Variants in ZPLD1 observed in about 807,000 individuals in gnomAD.
ZPLD1 encodes zona pellucida-like domain-containing protein 1.
Under a neutral mutation model 47.2 loss-of-function variants are expected in ZPLD1, and 34 were observed. The observed-to-expected ratio is 0.72, with a 90% CI of 0.55 to 0.96. The LOEUF (loss-of-function observed/expected upper bound fraction) is 0.96, where lower values mean the gene tolerates loss of function less well. Among genes scored for constraint, ZPLD1 ranks in the 40% least tolerant of loss-of-function variants. The pLI, the probability that ZPLD1 is intolerant of heterozygous loss-of-function variation, is 0.00. For synonymous variants in ZPLD1, 176 were observed against 186.2 expected (o/e 0.95, Z 0.45); for missense variants, 512 against 505.8 (o/e 1.01, Z -0.12).
intron 8 of ZPLD1, among the ~76,000 whole-genome samples, chr3:102,429,694 C>T (rs957831344): frequency 3.9e-5 from 6 of 152,158 alleles, no homozygotes; most frequent in African/African-American, 1.4e-4. Context: ...GAGATGTGTG[C>T]TGGAATATGG....
chr3:102,393,365 C>T (rs894531215), intron 7 of ZPLD1, among the ~76,000 whole-genome samples: 5 of 152,096 alleles, frequency 3.3e-5, no homozygotes, highest in African/African-American at 1.2e-4. Context: ...GTCGTTCTTC[C>T]ATTAAACAGA....
chr3:102,470,597 G>T, intron 10 of ZPLD1, 95 bp downstream of exon 10: 1 of 888,800 alleles, frequency 1.1e-6, no homozygotes, highest in Admixed American at 2.4e-5. Context: ...TTCCTAAACA[G>T]CACTAATTAA....
chr3:102,437,682 T>C (rs1300572267), intron 2 of ZPLD1, among the ~76,000 whole-genome samples: 1 of 152,234 alleles, frequency 6.6e-6, no homozygotes, highest in Non-Finnish European at 1.5e-5. Flanking sequence ...AAAGAATTAT[T>C]AAACGCAAAA....
At chr3:102,411,848 T>C (rs920699251) in intron 7 of ZPLD1, among the ~76,000 whole-genome samples, 1 of 151,804 alleles carries the variant, frequency 6.6e-6, no homozygotes, top group Non-Finnish European at 1.5e-5. Flanking sequence ...ACAGAACCAA[T>C]AGGGTATATC....
intron 8 of ZPLD1, among the ~76,000 whole-genome samples, chr3:102,425,359 T>C (rs73863652): frequency 0.043 from 6,475 of 152,202 alleles, 465 homozygotes; most frequent in African/African-American, 0.15. Context: ...TATTATAATA[T>C]ACAGAAAAGG....
chr3:102,413,127 G>T (rs559073457), intron 7 of ZPLD1, among the ~76,000 whole-genome samples: 1 of 151,606 alleles, frequency 6.6e-6, no homozygotes, highest in African/African-American at 2.4e-5. Context: ...TTTTTATCAA[G>T]AATATATATA....
chr3:102,463,286 C>T (rs1707538286), intron 7 of ZPLD1, among the ~76,000 whole-genome samples: 1 of 152,140 alleles, frequency 6.6e-6, no homozygotes, highest in Non-Finnish European at 1.5e-5. Context: ...CCACAATCGC[C>T]AAACCACTGA....
intron 8 of ZPLD1, among the ~76,000 whole-genome samples, chr3:102,428,488 T>A (rs1706976502): frequency 1.3e-5 from 2 of 152,062 alleles, no homozygotes; most frequent in Non-Finnish European, 2.9e-5. Flanking sequence ...AATTCTGACT[T>A]AAAAAATTCA....
intron 3 of ZPLD1, among the ~76,000 whole-genome samples, chr3:102,447,635 A>G (rs1707278269): frequency 6.6e-6 from 1 of 152,206 alleles, no homozygotes; most frequent in South Asian, 2.1e-4. Context: ...AGGGAAATGA[A>G]GGCTCCAACA....
In ZPLD1 at chr3:102,398,015, TTAAGA is replaced by T. The variant is rs561343432; in HGVS notation, c.-157+5794_-157+5798del. ...TAATGGAGACAGATCACTTTAACAC[TTAAGA>T]TAAATGTGTGTGTGAATGCACACCC... On this transcript the variant is annotated intron_variant, in intron 7 of 17. Transcript: ENST00000491959. 1.5e-4 allele frequency among the ~76,000 whole-genome samples: 23 copies of T among 152,240 alleles called. 1 individual carries two copies. The highest frequency in any genetic ancestry group is 5.5e-4 in the African/African-American group (23 of 41,554).
At chr3:102,438,394 G>A (rs1328152159) in intron 2 of ZPLD1, 86 bp from the exon 3 acceptor site, 6 of 888,148 alleles carry the variant, frequency 6.8e-6, no homozygotes, top group African/African-American at 6.6e-5. Flanking sequence ...ATCCAACAGT[G>A]AGCTGAGATC....
At chr3:102,421,758 A>C (rs1706881872) in intron 8 of ZPLD1, among the ~76,000 whole-genome samples, 1 of 151,914 alleles carries the variant, frequency 6.6e-6, no homozygotes, top group South Asian at 2.1e-4. Context: ...TAGAAAGTGA[A>C]CCAATTAATT....
intron 8 of ZPLD1, among the ~76,000 whole-genome samples, chr3:102,419,946 A>C (rs1239109075): frequency 1.3e-5 from 2 of 150,952 alleles, no homozygotes; most frequent in Admixed American, 6.6e-5. Flanking sequence ...AAAGTAGGTC[A>C]AGGCTATTAA....
intron 4 of ZPLD1, among the ~76,000 whole-genome samples, chr3:102,454,335 A>T (rs1328543936): frequency 6.6e-6 from 1 of 152,076 alleles, no homozygotes; most frequent in African/African-American, 2.4e-5. Context: ...AGGGAGAGTG[A>T]TGCAGGTTGA....
At chr3:102,400,609 A>G (rs1576126169) in intron 7 of ZPLD1, among the ~76,000 whole-genome samples, 1 of 151,862 alleles carries the variant, frequency 6.6e-6, no homozygotes, top group African/African-American at 2.4e-5. Context: ...CTCTTTCCAC[A>G]CTTACTGACT....
At chr3:102,455,715 C>T (rs541750605) in intron 4 of ZPLD1, among the ~76,000 whole-genome samples, 10 of 152,146 alleles carry the variant, frequency 6.6e-5, no homozygotes, top group Non-Finnish European at 1.2e-4. Flanking sequence ...TGGAGATAAA[C>T]ATTGCATATG....
rs76319562 is a variant in ZPLD1, at chr3:102,441,242, A to G, written c.106+2649A>G. ...AGGCATGTTAAAGAGCCATGAAATA[A>G]CTATGACAGGAAAACGAAGTATTTA... On this transcript the variant is annotated intron_variant, in intron 3 of 11. Transcript: ENST00000466937. Among the ~76,000 whole-genome samples, 4 of 152,360 alleles carry G rather than the reference A, an allele frequency of 2.6e-5. No individual in the cohort carries two copies. In the East Asian group the frequency reaches 7.7e-4, roughly 29 times the overall value.
In ZPLD1 at chr3:102,435,079, G is replaced by C. The variant is rs767019061; in HGVS notation, c.-198G>C. The C allele has an allele frequency of 7.4e-6, 12 of 1,612,968 alleles. No individual in the cohort carries two copies. The highest frequency in any genetic ancestry group is 1.0e-5 in the Non-Finnish European group (12 of 1,179,096). ...AATTTCAGAAAAGTATTTAGGGACT[G>C]TGCTAAAATAGCATCTCCAAGCTTG... On this transcript the variant is annotated 5_prime_UTR_variant, in exon 1 of 12. Coordinates refer to ENST00000466937, the MANE Select transcript of ZPLD1 (RefSeq NM_001329788.2).
chr3:102,444,738 A>G (rs1315627465), intron 3 of ZPLD1, among the ~76,000 whole-genome samples: 1 of 152,210 alleles, frequency 6.6e-6, no homozygotes, highest in African/African-American at 2.4e-5. Context: ...CATGCCACAA[A>G]GCACTCTGCA....
Sources: allele counts gnomAD v4.1 joint callset (sites outside exome capture counted in the v4.1 genomes callset), GRCh38; gene constraint gnomAD v4.1.1; transcripts MANE v1.5; gene names NCBI Gene and HGNC (gene_info 2026-07-23, HGNC 2026-07-21).